Variants in MDM4 observed in about 807,000 individuals in gnomAD.
The protein encoded by MDM4 is protein Mdm4.
Under a neutral mutation model 60.2 loss-of-function variants are expected in MDM4, and 2 were observed. The observed-to-expected ratio is 0.03, with a 90% CI of 0.01 to 0.10. MDM4 has a LOEUF of 0.10. Ranked by LOEUF, MDM4 falls within the 10% of genes least tolerant of loss-of-function variation. The probability of loss-of-function intolerance (pLI) is 1.00; values close to 1 mark genes in which losing one functional copy is unlikely to be tolerated. For synonymous variants in MDM4, 202 were observed against 198.1 expected, an observed-to-expected ratio of 1.02 and a Z score of -0.17; for missense variants, 447 against 577.5, an observed-to-expected ratio of 0.77 and a Z score of 2.32.
chr1:204,516,567 G>C (rs1658991184), intron 1 of MDM4, 58 bp downstream of exon 1: 1 of 152,362 alleles, frequency 6.6e-6, no homozygotes, highest in African/African-American at 2.4e-5. Flanking sequence ...AGAGTGAGGA[G>C]CAGGCGGCCG....
At position 204,537,868 on chromosome 1, in the gene MDM4, A is replaced by G. The variant is rs757992477; in HGVS notation, c.412-341A>G. ...GCTTCCCCAAACCTGGGGAAACTTT[A>G]TAGTCATCTTGGTACGTGGCGAGGG... On this transcript the variant is annotated intron_variant, in intron 6 of 10. Transcript: ENST00000367182. The G allele has an allele frequency of 1.2e-5, 8 of 670,660 alleles. No individual in the cohort carries two copies. In the African/African-American group the frequency reaches 1.2e-4, roughly 10 times the overall value. The allele number at this position is 670,660 out of a possible 1,614,324, so 41.5% of individuals were successfully genotyped here.
rs774716277 is a variant in MDM4, at chr1:204,555,215, C to T, written c.*5533C>T. Reference sequence around the variant, plus strand: ...TGTCGCCCCGGCTGGAGTGCAGTGGCGCGATCTCGGCTCACTGCAACCTCC... The same window carrying T: ...TGTCGCCCCGGCTGGAGTGCAGTGGTGCGATCTCGGCTCACTGCAACCTCC... On this transcript the variant is annotated 3_prime_UTR_variant, in exon 11 of 11. Coordinates refer to ENST00000367182, the MANE Select transcript of MDM4 (RefSeq NM_002393.5). 140 of 175,180 alleles carry T rather than the reference C, an allele frequency of 8.0e-4. No homozygotes were observed. Among genetic ancestry groups the T allele is most frequent in the Non-Finnish European group, 1.3e-3 (103 of 81,768 alleles). The allele number at this position is 175,180 out of a possible 1,614,324, so 10.9% of individuals were successfully genotyped here.
chr1:204,550,226 T>TACCCTC lies in MDM4; in HGVS notation c.*544_*545insACCCTC. On this transcript the variant is annotated 3_prime_UTR_variant, in exon 11 of 11. Coordinates refer to ENST00000367182, the MANE Select transcript of MDM4 (RefSeq NM_002393.5). ...TTCTGTCTCCCAGGCTGAAGTGCAG[T>TACCCTC]GCAGTGGTATGATCATGGCTCACTG... 1 of 232,196 alleles carries TACCCTC rather than the reference T, an allele frequency of 4.3e-6. No homozygotes were observed. Among genetic ancestry groups the TACCCTC allele is most frequent in the Non-Finnish European group, 8.5e-6 (1 of 117,846 alleles). The allele number at this position is 232,196 out of a possible 1,614,324, so 14.4% of individuals were successfully genotyped here.
rs1363293482 is a variant in MDM4 at position 204,554,068 on chromosome 1, ATTTATT to A, written c.*4391_*4396del. 1 of 228,040 alleles carries A rather than the reference ATTTATT, an allele frequency of 4.4e-6. No homozygotes were observed. The highest frequency in any genetic ancestry group is 8.7e-6 in the Non-Finnish European group (1 of 114,946). The allele number at this position is 228,040 out of a possible 1,614,324, so 14.1% of individuals were successfully genotyped here. ...GTGTGGTATTATTTGGTTTGTAAGA[ATTTATT>A]TTTAAGGGTCAAGGTCATTTGTAAC... is the stretch of plus-strand genomic sequence containing the variant. On this transcript the variant is annotated 3_prime_UTR_variant, in exon 11 of 11. Transcript: ENST00000367182.
chr1:204,538,760 C>T (rs1360364468), intron 7 of MDM4, among the ~76,000 whole-genome samples: 1 of 149,968 alleles, frequency 6.7e-6, no homozygotes, highest in Non-Finnish European at 1.5e-5. Context: ...GGTTGGAGTG[C>T]AGCAGTGCGA....
rs1487932910 is a variant in MDM4 at position 204,552,876 on chromosome 1, T to TC, written c.*3194_*3195insC. 1.2e-5 allele frequency: 2 copies of TC among 162,670 alleles called. No individual in the cohort carries two copies. Among genetic ancestry groups the TC allele is most frequent in the African/African-American group, 4.8e-5 (2 of 41,526 alleles). 10.1% of individuals were successfully genotyped at this position (162,670 alleles called of 1,614,324 possible). A position where few individuals can be genotyped will look rare whatever the true frequency, so the allele number is the denominator to read the frequency against. ...TTAAACTATTTCTTTTCTTTTCTTT[T>TC]TTTTTTTTTTTTACTTGAGATGGAG... On this transcript the variant is annotated 3_prime_UTR_variant, in exon 11 of 11. Coordinates refer to ENST00000367182, the MANE Select transcript of MDM4 (RefSeq NM_002393.5).
At chr1:204,524,902 T>C (rs12040051) in intron 1 of MDM4, among the ~76,000 whole-genome samples, 1 of 152,266 alleles carries the variant, frequency 6.6e-6, no homozygotes, top group African/African-American at 2.4e-5. Context: ...CATCTTTTCT[T>C]TGATGGTATA....
chr1:204,525,328 A>G (rs1660016666), intron 1 of MDM4, 156 bp from the exon 2 acceptor site: 4 of 985,008 alleles, frequency 4.1e-6, no homozygotes, highest in South Asian at 9.4e-5. Context: ...GTCAGAAGAT[A>G]TGCAGAACCT....
chr1:204,535,999 T>G (rs1158959358), intron 5 of MDM4, among the ~76,000 whole-genome samples: 3 of 151,938 alleles, frequency 2.0e-5, no homozygotes, highest in Non-Finnish European at 4.4e-5. Flanking sequence ...CGGTGGCTCA[T>G]GCCTGTAATC....
At position 204,555,078 on chromosome 1, in the gene MDM4, C is replaced by A. The variant is rs182398097; in HGVS notation, c.*5396C>A. 79 of 212,040 alleles carry A rather than the reference C, an allele frequency of 3.7e-4. 1 individual carries two copies. The highest frequency in any genetic ancestry group is 1.7e-3 in the African/African-American group (73 of 44,112). The allele number at this position is 212,040 out of a possible 1,614,324, so 13.1% of individuals were successfully genotyped here. ...TATCTGAAATCCAAGATGCTGCTTC[C>A]CCTGCAGGTTGTTTTCCTTCTTACG... On this transcript the variant is annotated 3_prime_UTR_variant, in exon 11 of 11. Transcript: ENST00000367182.
At chr1:204,524,379 C>T (rs900967427) in intron 1 of MDM4, among the ~76,000 whole-genome samples, 1 of 152,170 alleles carries the variant, frequency 6.6e-6, no homozygotes, top group Non-Finnish European at 1.5e-5. Flanking sequence ...CTATTCTAGT[C>T]GCCATTTACC....
chr1:204,554,882 C>A lies in MDM4; in HGVS notation c.*5200C>A, dbSNP rs1663434559. On this transcript the variant is annotated 3_prime_UTR_variant, in exon 11 of 11. Coordinates refer to ENST00000367182, the MANE Select transcript of MDM4 (RefSeq NM_002393.5). ...CAGATCTTTTGATGTGCACTAATGC[C>A]ATTATTGGTAATGCCGTTATTGGTG... The A allele has an allele frequency of 4.4e-6, 1 of 224,978 alleles. No homozygotes were observed. Among genetic ancestry groups the A allele is most frequent in the South Asian group, 1.8e-4 (1 of 5,426 alleles). 13.9% of individuals were successfully genotyped at this position (224,978 alleles called of 1,614,324 possible).
At chr1:204,538,176 A>C in intron 6 of MDM4, 33 bp from the exon 7 acceptor site, 1 of 1,189,318 alleles carries the variant, frequency 8.4e-7, no homozygotes, top group South Asian at 1.2e-5. Flanking sequence ...AGTTATTTCT[A>C]CTGCACTGAT....
chr1:204,525,755 GAC>G (rs1446270952), intron 2 of MDM4, among the ~76,000 whole-genome samples, 159 bp downstream of exon 2: 1 of 151,916 alleles, frequency 6.6e-6, no homozygotes, highest in Non-Finnish European at 1.5e-5. Flanking sequence ...AACATAGTGA[GAC>G]CTGTATCTCT....
chr1:204,526,013 G>A (rs1166276147), intron 2 of MDM4, among the ~76,000 whole-genome samples: 1 of 152,096 alleles, frequency 6.6e-6, no homozygotes, highest in African/African-American at 2.4e-5. Flanking sequence ...CCAGCACTTC[G>A]GGAGGCGGAG....
At chr1:204,548,248 A>G (rs185979485) in intron 10 of MDM4, among the ~76,000 whole-genome samples, 135 of 152,338 alleles carry the variant, frequency 8.9e-4, no homozygotes, top group African/African-American at 3.0e-3. Context: ...TTTAAATGAG[A>G]TTGGAAGATC....
chr1:204,532,871 A>G (rs1204867132), intron 5 of MDM4: 1 of 1,584,800 alleles, frequency 6.3e-7, no homozygotes, highest in African/African-American at 1.4e-5. Flanking sequence ...TATTTTTGGT[A>G]AACTGGTAGT....
chr1:204,519,841 A>T (rs1659378467), intron 1 of MDM4, among the ~76,000 whole-genome samples: 1 of 151,972 alleles, frequency 6.6e-6, no homozygotes, highest in African/African-American at 2.4e-5. Context: ...TCTGTAATTT[A>T]TTCCATCTGT....
chr1:204,538,345 T>A, intron 7 of MDM4, 37 bp downstream of exon 7: 1 of 1,056,552 alleles, frequency 9.5e-7, no homozygotes, highest in Non-Finnish European at 1.5e-6. Flanking sequence ...ACTTTTGTTC[T>A]CTTCCTCTTC....
Sources: allele counts gnomAD v4.1 joint callset (sites outside exome capture counted in the v4.1 genomes callset), GRCh38; gene constraint gnomAD v4.1.1; transcripts MANE v1.5; gene names NCBI Gene and HGNC (gene_info 2026-07-23, HGNC 2026-07-21).